DGKK: variants seen among roughly 807,000 people sequenced by gnomAD.
DGKK encodes 142 kDa diacylglycerol kinase.
A neutral mutation model predicts 92.2 loss-of-function variants in DGKK; 35 were observed. That is an observed-to-expected ratio of 0.38 (90% CI 0.29 to 0.50). The LOEUF (loss-of-function observed/expected upper bound fraction) is 0.50. DGKK is among the 20% of genes least tolerant of loss of function. DGKK has a pLI of 0.92. For synonymous variants in DGKK, 368 were observed against 360.6 expected, an observed-to-expected ratio of 1.02 and a Z score of -0.23; for missense variants, 910 against 992.2, an observed-to-expected ratio of 0.92 and a Z score of 1.11.
chrX:50,452,214 G>A (rs1557232519), intron 1 of DGKK, among the ~76,000 whole-genome samples: 5 of 111,532 alleles, frequency 4.5e-5, no homozygotes, highest in South Asian at 3.8e-4. Context: ...ACCCAAATGC[G>A]TCTGACTCTG....
rs1030519328 is a variant in DGKK at position 50,368,570 on chromosome X, T to C, written c.*370A>G. ...TCTTTCATTCATTCCTTAGCATTGA[T>C]AGTTTCTCTGCTGGTCAGAGAAAAC... On this transcript the variant is annotated 3_prime_UTR_variant, in exon 28 of 28. Transcript: ENST00000611977. 3.9e-5 allele frequency: 5 copies of C among 127,355 alleles called. No individual in the cohort carries two copies. Among genetic ancestry groups the C allele is most frequent in the Admixed American group, 3.4e-4 (4 of 11,891 alleles). 10.5% of individuals were successfully genotyped at this position (127,355 alleles called of 1,213,427 possible).
intron 8 of DGKK, among the ~76,000 whole-genome samples, chrX:50,399,841 A>G (rs1217646121): frequency 8.9e-6 from 1 of 112,023 alleles, no homozygotes; most frequent in Non-Finnish European, 1.9e-5. Flanking sequence ...GAACAAGTCA[A>G]TGGCAAAAAG....
intron 1 of DGKK, among the ~76,000 whole-genome samples, chrX:50,425,948 T>C (rs1309883066): frequency 3.6e-5 from 4 of 111,916 alleles, no homozygotes; most frequent in Non-Finnish European, 7.5e-5. Context: ...TGGCTTTTGG[T>C]TTTTTTATCC....
intron 5 of DGKK, among the ~76,000 whole-genome samples, 185 bp downstream of exon 5, chrX:50,403,864 C>A (rs1038678299): frequency 9.0e-6 from 1 of 111,255 alleles, no homozygotes; most frequent in Non-Finnish European, 1.9e-5. Context: ...CCCATCCCCC[C>A]ACACTCATCC....
At position 50,412,928 on chromosome X, in the gene DGKK, G is replaced by A. The variant is rs142202025; in HGVS notation, c.942+7475C>T. Among the ~76,000 whole-genome samples, 63 of 111,391 alleles carry A rather than the reference G, an allele frequency of 5.7e-4. No individual in the cohort carries two copies. In the East Asian group the frequency reaches 0.016, roughly 28 times the overall value. ...TAGGAAGTGACCAGTGGACAAGTGA[G>A]CATTACTGCCTGAGCTCTACCTCCT... On this transcript the variant is annotated intron_variant, in intron 4 of 27. Coordinates refer to ENST00000611977, the MANE Select transcript of DGKK (RefSeq NM_001013742.4).
intron 2 of DGKK, among the ~76,000 whole-genome samples, chrX:50,423,156 T>C (rs1557229335): frequency 1.8e-5 from 2 of 112,428 alleles, no homozygotes; most frequent in Admixed American, 1.9e-4. Flanking sequence ...TCTTTGAGCA[T>C]GTGTTTTGTA....
At chrX:50,387,769 TTC>T in intron 13 of DGKK, 116 bp from the exon 14 acceptor site, 1 of 498,313 alleles carries the variant, frequency 2.0e-6, no homozygotes, top group South Asian at 3.6e-5. Context: ...TCTGTCCTCT[TTC>T]TCTCACCCTC....
intron 4 of DGKK, among the ~76,000 whole-genome samples, chrX:50,407,278 G>A: frequency 8.9e-6 from 1 of 111,927 alleles, no homozygotes; most frequent in Admixed American, 9.5e-5. Context: ...AATTGTGTTA[G>A]TCTGCTCAGG....
chrX:50,456,863 A>G (rs1450288157), intron 1 of DGKK, among the ~76,000 whole-genome samples: 14 of 111,535 alleles, frequency 1.3e-4, no homozygotes, highest in African/African-American at 4.2e-4. Flanking sequence ...ACAGGGTGCT[A>G]TGGGAACCCT....
At chrX:50,410,009 T>C (rs893121239) in intron 4 of DGKK, among the ~76,000 whole-genome samples, 2 of 111,803 alleles carry the variant, frequency 1.8e-5, no homozygotes, top group Non-Finnish European at 3.8e-5. Context: ...TCCGGAAGTG[T>C]GAGAAATAAT....
intron 18 of DGKK, 87 bp downstream of exon 18, chrX:50,382,409 C>G: frequency 1.5e-6 from 1 of 664,898 alleles, no homozygotes; most frequent in Non-Finnish European, 2.2e-6. Flanking sequence ...CTTTCTGTTG[C>G]TTGTCTGAGA....
chrX:50,452,631 C>G (rs1926522849), intron 1 of DGKK, among the ~76,000 whole-genome samples: 1 of 111,925 alleles, frequency 8.9e-6, no homozygotes, highest in Non-Finnish European at 1.9e-5. Context: ...AACCCTGTCC[C>G]CATGCTCTTT....
intron 1 of DGKK, among the ~76,000 whole-genome samples, chrX:50,445,092 G>A (rs1376139132): frequency 2.0e-5 from 2 of 99,537 alleles, no homozygotes; most frequent in Non-Finnish European, 4.1e-5. Context: ...TATGTCTTTT[G>A]AAAAGTGTCT....
At chrX:50,397,306 T>C (rs1259522996) in intron 8 of DGKK, among the ~76,000 whole-genome samples, 3 of 112,361 alleles carry the variant, frequency 2.7e-5, no homozygotes, top group Non-Finnish European at 3.8e-5. Context: ...CAAAGAAAGA[T>C]GCGAAATTGG....
At chrX:50,388,678 C>A (rs1924611713) in intron 12 of DGKK, 60 bp from the exon 13 acceptor site, 2 of 821,508 alleles carry the variant, frequency 2.4e-6, no homozygotes, top group Non-Finnish European at 3.5e-6. Flanking sequence ...GTGTGCTGCC[C>A]ATCCTCATCC....
In DGKK at chrX:50,370,506, A is replaced by G. The variant is rs571444713; in HGVS notation, c.3656T>C (p.Ile1219Thr). Residue 1219 changes from isoleucine (I) to threonine (T), a missense_variant, in exon 27 of 28, where the codon ATT becomes ACT. Transcript: ENST00000611977. ...DTDSRSLRLK[I>T]KFPKLGKKKV... Reference sequence around the variant, plus strand: ...TTTCTTTCCCAATTTGGGGAACTTAATTTTCAGCCTGAGGCTTCTACTGTC... The same window carrying G: ...TTTCTTTCCCAATTTGGGGAACTTAGTTTTCAGCCTGAGGCTTCTACTGTC... 1 of 1,194,570 alleles carries G rather than the reference A, an allele frequency of 8.4e-7. No homozygotes were observed. Among genetic ancestry groups the G allele is most frequent in the Admixed American group, 2.3e-5 (1 of 43,650 alleles).
intron 18 of DGKK, among the ~76,000 whole-genome samples, chrX:50,380,385 G>T (rs1233279925): frequency 5.4e-5 from 6 of 111,173 alleles, no homozygotes; most frequent in African/African-American, 2.0e-4. Context: ...CTCATAAAAA[G>T]CTATGAGCGT....
At position 50,368,139 on chromosome X, in the gene DGKK, G is replaced by T. The variant is rs1440681150; in HGVS notation, c.*801C>A. On this transcript the variant is annotated 3_prime_UTR_variant, in exon 28 of 28. Coordinates refer to ENST00000611977, the MANE Select transcript of DGKK (RefSeq NM_001013742.4). ...CTGCAGCACAGCGGCAAAACATTTA[G>T]TTAAAAAATCCAGCAAGAATGCAGG... 9.1e-6 allele frequency: 1 copy of T among 110,394 alleles called. No homozygotes were observed. The highest frequency in any genetic ancestry group is 1.9e-5 in the Non-Finnish European group (1 of 52,896). 9.1% of individuals were successfully genotyped at this position (110,394 alleles called of 1,213,427 possible). A position where few individuals can be genotyped will look rare whatever the true frequency, so the allele number is the denominator to read the frequency against.
chrX:50,453,176 C>A (rs1487434050), intron 1 of DGKK, among the ~76,000 whole-genome samples: 1 of 111,308 alleles, frequency 9.0e-6, no homozygotes, highest in African/African-American at 3.3e-5. Context: ...TAGATCATTT[C>A]TAGGCTCAAA....
Sources: gnomAD v4.1 joint callset for allele counts (sites outside exome capture counted in the v4.1 genomes callset) on GRCh38, gnomAD v4.1.1 for gene constraint, MANE v1.5 for transcripts, NCBI Gene and HGNC (gene_info 2026-07-23, HGNC 2026-07-21) for gene names.